RIMS2: variants seen among roughly 807,000 people sequenced by gnomAD.
RIMS2 encodes regulating synaptic membrane exocytosis protein 2.
A neutral mutation model predicts 174.4 loss-of-function variants in RIMS2; 59 were observed. That is an observed-to-expected ratio of 0.34 (90% CI 0.27 to 0.42). The LOEUF (loss-of-function observed/expected upper bound fraction) is 0.42. Ranked by LOEUF, RIMS2 falls within the 10% of genes least tolerant of loss-of-function variation. RIMS2 has a pLI of 1.00. For missense variants in RIMS2, 1,620 were observed against 1,666.3 expected (o/e 0.97, Z 0.48); for synonymous variants, 606 against 572.5 (o/e 1.06, Z -0.84).
At chr8:103,564,626 CA>C (rs1180591097) in intron 1 of RIMS2, among the ~76,000 whole-genome samples, 2 of 152,162 alleles carry the variant, frequency 1.3e-5, no homozygotes, top group Non-Finnish European at 2.9e-5. Flanking sequence ...TGTTTGAGGG[CA>C]GGAAACATCC....
intron 1 of RIMS2, among the ~76,000 whole-genome samples, chr8:103,510,137 A>G (rs1235372318): frequency 6.6e-6 from 1 of 152,140 alleles, no homozygotes; most frequent in Non-Finnish European, 1.5e-5. Context: ...AGTTTCTTGT[A>G]TCCTGTAACT....
chr8:103,647,946 G>C (rs779448785), intron 1 of RIMS2, among the ~76,000 whole-genome samples: 1 of 141,484 alleles, frequency 7.1e-6, no homozygotes, highest in Non-Finnish European at 1.5e-5. Flanking sequence ...TTTTGATCTT[G>C]GTTACTTCTT....
chr8:104,096,714 A>C (rs2097768427), intron 19 of RIMS2, among the ~76,000 whole-genome samples: 1 of 152,016 alleles, frequency 6.6e-6, no homozygotes, highest in African/African-American at 2.4e-5. Context: ...CTAAAAGTAC[A>C]AAAATTAGCT....
chr8:103,962,580 G>A (rs911230750), intron 15 of RIMS2, among the ~76,000 whole-genome samples: 2 of 152,084 alleles, frequency 1.3e-5, no homozygotes, highest in Non-Finnish European at 2.9e-5. Context: ...TTGAGAAATA[G>A]ATTTTTCGTA....
rs372317979 is a variant in RIMS2, at chr8:103,727,748, C to T, written c.387+30452C>T. 2.6e-5 allele frequency among the ~76,000 whole-genome samples: 4 copies of T among 151,984 alleles called. No homozygotes were observed. In the East Asian group the frequency reaches 7.7e-4, roughly 29 times the overall value. On this transcript the variant is annotated intron_variant, in intron 2 of 23. Transcript: ENST00000504942. ...CCTTTGTCAAAAATAACTTCACTGT[C>T]GACGTATGGATTTGTTTCTGGGTTC...
chr8:104,026,028 A>C (rs1157142652), intron 19 of RIMS2, among the ~76,000 whole-genome samples: 2 of 152,160 alleles, frequency 1.3e-5, no homozygotes, highest in East Asian at 3.8e-4. Flanking sequence ...AAATCACCTA[A>C]CAATGCATTT....
intron 1 of RIMS2, among the ~76,000 whole-genome samples, chr8:103,605,941 C>A (rs1391428543): frequency 2.0e-5 from 3 of 147,728 alleles, no homozygotes; most frequent in African/African-American, 5.1e-5. Context: ...TTGATCCTTT[C>A]AAAAAACCAG....
chr8:103,854,554 G>GT (rs896510478), intron 3 of RIMS2, among the ~76,000 whole-genome samples: 303 of 144,226 alleles, frequency 2.1e-3, no homozygotes, highest in African/African-American at 3.6e-3. Context: ...TTTGTTGAGG[G>GT]TTTTTTTTTT....
intron 19 of RIMS2, among the ~76,000 whole-genome samples, chr8:104,136,490 C>T (rs776567672): frequency 2.6e-5 from 4 of 152,074 alleles, no homozygotes; most frequent in Non-Finnish European, 5.9e-5. Context: ...AATTTAGTGC[C>T]AACCATAATA....
chr8:103,936,441 T>G, intron 12 of RIMS2, 110 bp from the exon 15 acceptor site: 1 of 631,824 alleles, frequency 1.6e-6, no homozygotes, highest in East Asian at 3.0e-5. Context: ...TATGATAATT[T>G]TATGGTAAAA....
At chr8:104,010,841 A>G (rs1032876629) in intron 17 of RIMS2, among the ~76,000 whole-genome samples, 2 of 152,170 alleles carry the variant, frequency 1.3e-5, no homozygotes, top group African/African-American at 4.8e-5. Flanking sequence ...TTGGAATAAT[A>G]TTTTATATGC....
intron 3 of RIMS2, among the ~76,000 whole-genome samples, chr8:103,866,605 A>C (rs1256105226): frequency 1.3e-5 from 2 of 152,112 alleles, no homozygotes; most frequent in East Asian, 3.9e-4. Flanking sequence ...CACAGGTACT[A>C]ATGTCAGTAG....
At position 104,169,333 on chromosome 8, in the gene RIMS2, TATATATAA is replaced by T. The variant is rs1245064450; in HGVS notation, c.3335-75581_3335-75574del. Reference sequence around the variant, plus strand: ...ATATATATATATATATATATATATATATATATAAAACAGATTCAATCTCATTACTTGTT... The same window carrying T: ...ATATATATATATATATATATATATATAACAGATTCAATCTCATTACTTGTT... On this transcript the variant is annotated intron_variant, in intron 19 of 23. Coordinates refer to ENST00000504942, the Ensembl canonical transcript of RIMS2. Among the ~76,000 whole-genome samples, 89 of 40,264 alleles carry T rather than the reference TATATATAA, an allele frequency of 2.2e-3. 2 individuals carry two copies. Among genetic ancestry groups the T allele is most frequent in the East Asian group, 0.011 (6 of 528 alleles). 26.4% of individuals were successfully genotyped at this position (40,264 alleles called of 152,430 possible).
intron 19 of RIMS2, among the ~76,000 whole-genome samples, chr8:104,215,441 T>C (rs2099125752): frequency 6.6e-6 from 1 of 152,222 alleles, no homozygotes; most frequent in Non-Finnish European, 1.5e-5. Context: ...GAATAAATAA[T>C]AAATAAGGAA....
chr8:103,827,131 T>G (rs1005507463), intron 3 of RIMS2, among the ~76,000 whole-genome samples: 5 of 152,212 alleles, frequency 3.3e-5, no homozygotes, highest in African/African-American at 1.2e-4. Flanking sequence ...TATTTAGGTC[T>G]CCTTAAATTT....
intron 17 of RIMS2, among the ~76,000 whole-genome samples, chr8:103,996,003 C>G (rs1164969010): frequency 6.6e-6 from 1 of 151,710 alleles, no homozygotes; most frequent in Non-Finnish European, 1.5e-5. Context: ...ATATTTTAAT[C>G]CTTACTTGAA....
intron 2 of RIMS2, among the ~76,000 whole-genome samples, chr8:103,753,463 G>T (rs2097922250): frequency 6.6e-6 from 1 of 152,092 alleles, no homozygotes; most frequent in Non-Finnish European, 1.5e-5. Context: ...ATGAGTTAGG[G>T]GGAGGATTCC....
downstream of RIMS2, chr8:104,254,431 G>A (rs985311633): frequency 2.0e-5 from 3 of 152,080 alleles, no homozygotes; most frequent in Admixed American, 1.3e-4. Context: ...CTTTACAGGC[G>A]TCTGCAGTGC....
chr8:103,993,446 A>T (rs2154550969), intron 17 of RIMS2, among the ~76,000 whole-genome samples: 1 of 152,310 alleles, frequency 6.6e-6, no homozygotes, highest in South Asian at 2.1e-4. Context: ...CATGCTATTT[A>T]TCTATTCCTT....
Sources: allele counts gnomAD v4.1 joint callset (sites outside exome capture counted in the v4.1 genomes callset), GRCh38; gene constraint gnomAD v4.1.1; transcripts MANE v1.5; gene names NCBI Gene and HGNC (gene_info 2026-07-23, HGNC 2026-07-21).